FLRT2: variants seen among roughly 807,000 people sequenced by gnomAD.
The protein encoded by FLRT2 is fibronectin leucine rich transmembrane protein 2.
Under a neutral mutation model 40.0 loss-of-function variants are expected in FLRT2, and 15 were observed. The ratio of observed to expected loss-of-function variants is 0.38; its 90% CI spans 0.25 to 0.58. The LOEUF (loss-of-function observed/expected upper bound fraction) is 0.58, where lower values mean the gene tolerates loss of function less well. Ranked by LOEUF, FLRT2 falls within the 20% of genes least tolerant of loss-of-function variation. The probability of loss-of-function intolerance (pLI) is 0.71; values close to 1 mark genes in which losing one functional copy is unlikely to be tolerated. For missense variants in FLRT2, 726 were observed against 840.0 expected, an observed-to-expected ratio of 0.86 and a Z score of 1.68; for synonymous variants, 380 against 336.8, an observed-to-expected ratio of 1.13 and a Z score of -1.41.
intron 1 of FLRT2, among the ~76,000 whole-genome samples, chr14:85,555,713 T>TTTATA (rs1889914023): frequency 6.6e-6 from 1 of 150,616 alleles, no homozygotes; most frequent in African/African-American, 2.4e-5. Context: ...TTTATTTTAT[T>TTTATA]TTATTTTATT....
At chr14:85,599,902 A>G (rs187258141) in intron 1 of FLRT2, among the ~76,000 whole-genome samples, 30 of 152,294 alleles carry the variant, frequency 2.0e-4, no homozygotes, top group African/African-American at 7.2e-4. Flanking sequence ...GCATACAGCC[A>G]TGGAAATGTT....
At chr14:85,612,929 A>G (rs1302131712) in intron 1 of FLRT2, among the ~76,000 whole-genome samples, 1 of 152,150 alleles carries the variant, frequency 6.6e-6, no homozygotes, top group African/African-American at 2.4e-5. Flanking sequence ...AGGAGACATA[A>G]GATTTTCTGT....
chr14:85,643,736 C>T lies in FLRT2; in HGVS notation c.*20239C>T, dbSNP rs1894223904. 1 of 152,112 alleles carries T rather than the reference C, an allele frequency of 6.6e-6. No individual in the cohort carries two copies. Among genetic ancestry groups the T allele is most frequent in the African/African-American group, 2.4e-5 (1 of 41,400 alleles). The allele number at this position is 152,112 out of a possible 1,614,324, so 9.4% of individuals were successfully genotyped here. Reference sequence around the variant, plus strand: ...GCATTTATTAATGCATTGATGAGGACTCTCCTCTTTTAGATAGAGATGAAA... The same window carrying T: ...GCATTTATTAATGCATTGATGAGGATTCTCCTCTTTTAGATAGAGATGAAA... On this transcript the variant is annotated 3_prime_UTR_variant, in exon 2 of 2. Transcript: ENST00000330753.
chr14:85,532,728 G>A (rs1380365948), intron 1 of FLRT2, among the ~76,000 whole-genome samples: 1 of 152,212 alleles, frequency 6.6e-6, no homozygotes, highest in East Asian at 1.9e-4. Context: ...GAGGGAACTA[G>A]TGATGGGGTG....
chr14:85,547,175 C>T (rs1164313904), intron 1 of FLRT2, among the ~76,000 whole-genome samples: 2 of 151,996 alleles, frequency 1.3e-5, no homozygotes, highest in African/African-American at 4.8e-5. Flanking sequence ...CTTTCAAGGT[C>T]CCTCTTTCTC....
chr14:85,571,545 G>T (rs1208827693), intron 1 of FLRT2, among the ~76,000 whole-genome samples: 3 of 152,134 alleles, frequency 2.0e-5, no homozygotes, highest in Non-Finnish European at 2.9e-5. Context: ...TTGATTCCAA[G>T]AATTAGAATT....
intron 1 of FLRT2, among the ~76,000 whole-genome samples, chr14:85,598,158 G>T (rs1226705856): frequency 6.6e-6 from 1 of 152,100 alleles, no homozygotes; most frequent in Non-Finnish European, 1.5e-5. Flanking sequence ...ACTCTATTCA[G>T]GCCATTTACT....
chr14:85,539,591 C>G (rs1423139136), intron 1 of FLRT2, among the ~76,000 whole-genome samples: 1 of 152,078 alleles, frequency 6.6e-6, no homozygotes, highest in Non-Finnish European at 1.5e-5. Flanking sequence ...ATGCTTCTTT[C>G]TATATTCAGC....
At chr14:85,616,909 A>G (rs1264214984) in intron 1 of FLRT2, among the ~76,000 whole-genome samples, 3 of 152,204 alleles carry the variant, frequency 2.0e-5, no homozygotes, top group African/African-American at 7.2e-5. Context: ...TTACATTTTC[A>G]TGCTTTTTGA....
In FLRT2 at chr14:85,640,081, C is replaced by T. The variant is rs1894116555; in HGVS notation, c.*16584C>T. Reference sequence around the variant, plus strand: ...GCCAGGATGGTCTCGATTTCCTGACCTCGTGATCCGCCCGCCTCGGCCTCC... The same window carrying T: ...GCCAGGATGGTCTCGATTTCCTGACTTCGTGATCCGCCCGCCTCGGCCTCC... On this transcript the variant is annotated 3_prime_UTR_variant, in exon 2 of 2. Transcript: ENST00000330753. 1 of 152,154 alleles carries T rather than the reference C, an allele frequency of 6.6e-6. No individual in the cohort carries two copies. The highest frequency in any genetic ancestry group is 2.4e-5 in the African/African-American group (1 of 41,408). The allele number at this position is 152,154 out of a possible 1,614,324, so 9.4% of individuals were successfully genotyped here. A position where few individuals can be genotyped will look rare whatever the true frequency, so the allele number is the denominator to read the frequency against.
rs905712042 is a variant in FLRT2 at position 85,629,388 on chromosome 14, T to C, written c.*5891T>C. ...AAACTTAGAAATTGTATTTCGTAAT[T>C]ACACATGCAGACATTTAAATTTTTA... On this transcript the variant is annotated 3_prime_UTR_variant, in exon 2 of 2. Coordinates refer to ENST00000330753, the MANE Select transcript of FLRT2 (RefSeq NM_013231.6). 2.6e-5 allele frequency: 4 copies of C among 152,202 alleles called. No homozygotes were observed. The highest frequency in any genetic ancestry group is 9.6e-5 in the African/African-American group (4 of 41,454). The allele number at this position is 152,202 out of a possible 1,614,324, so 9.4% of individuals were successfully genotyped here.
At chr14:85,543,589 C>G (rs1889104985) in intron 1 of FLRT2, among the ~76,000 whole-genome samples, 1 of 151,988 alleles carries the variant, frequency 6.6e-6, no homozygotes, top group African/African-American at 2.4e-5. Context: ...TTGGATAAAG[C>G]CCATCAAAAC....
At chr14:85,574,420 C>A (rs575456454) in intron 1 of FLRT2, among the ~76,000 whole-genome samples, 1 of 152,068 alleles carries the variant, frequency 6.6e-6, no homozygotes, top group African/African-American at 2.4e-5. Flanking sequence ...TGCCATAGAG[C>A]CAGGAAAATC....
chr14:85,563,753 C>T (rs1169827835), intron 1 of FLRT2, among the ~76,000 whole-genome samples: 1 of 152,110 alleles, frequency 6.6e-6, no homozygotes, highest in African/African-American at 2.4e-5. Flanking sequence ...GCTCAGATCT[C>T]TTACCTCCAA....
intron 1 of FLRT2, among the ~76,000 whole-genome samples, chr14:85,574,696 T>C (rs1891048450): frequency 1.3e-5 from 2 of 152,212 alleles, no homozygotes; most frequent in Admixed American, 6.5e-5. Flanking sequence ...TGGCTCCTAT[T>C]AAGCCATCAT....
In FLRT2 at chr14:85,622,342, T is replaced by G; in HGVS notation, c.828T>G (p.Arg276=). 2 of 1,614,180 alleles carry G rather than the reference T, an allele frequency of 1.2e-6. No homozygotes were observed. Among genetic ancestry groups the G allele is most frequent in the Non-Finnish European group, 8.5e-7 (1 of 1,180,036 alleles). The stretch of plus-strand genomic sequence containing the variant: ...CTTTGACAGCCTTCTCAAATCTGCG[T>G]AAGCTGGAACGGCTGGATATATCCA... ...HIPLTAFSNL[R]KLERLDISNN... Residue 276 remains arginine, a synonymous_variant, in exon 2 of 2, where the codon CGT becomes CGG. Transcript: ENST00000330753.
Position 85,631,130 on chromosome 14 carries a change from G to A in FLRT2, c.*7633G>A, listed in dbSNP as rs1392946281. 2.3e-3 allele frequency: 63 copies of A among 26,912 alleles called. No individual in the cohort carries two copies. The highest frequency in any genetic ancestry group is 7.6e-3 in the African/African-American group (26 of 3,424). 1.7% of individuals were successfully genotyped at this position (26,912 alleles called of 1,614,324 possible). Reference sequence around the variant, plus strand: ...CTAGATTTTATATATATATATATATGAAATGAGCAAACAAAATGCTTTCAG... The same window carrying A: ...CTAGATTTTATATATATATATATATAAAATGAGCAAACAAAATGCTTTCAG... On this transcript the variant is annotated 3_prime_UTR_variant, in exon 2 of 2. Coordinates refer to ENST00000330753, the MANE Select transcript of FLRT2 (RefSeq NM_013231.6).
intron 1 of FLRT2, among the ~76,000 whole-genome samples, chr14:85,558,322 A>C (rs1446232700): frequency 6.6e-6 from 1 of 152,136 alleles, no homozygotes; most frequent in Non-Finnish European, 1.5e-5. Flanking sequence ...TTATCTTTGC[A>C]TCAAAAATAA....
In FLRT2 at chr14:85,614,078, A is replaced by G. The variant is rs535006584; in HGVS notation, c.-376-7061A>G. Among the ~76,000 whole-genome samples, 3 of 152,274 alleles carry G rather than the reference A, an allele frequency of 2.0e-5. No individual in the cohort carries two copies. In the East Asian group the frequency reaches 5.8e-4, roughly 29 times the overall value. ...TTTTCCACATGTTAGGCAATGTTCT[A>G]AGTGATTTACAGCCCTCTAACAACC... On this transcript the variant is annotated intron_variant, in intron 1 of 1. Transcript: ENST00000330753.
Sources: gnomAD v4.1 joint callset for allele counts (sites outside exome capture counted in the v4.1 genomes callset) on GRCh38, gnomAD v4.1.1 for gene constraint, MANE v1.5 for transcripts, NCBI Gene and HGNC (gene_info 2026-07-23, HGNC 2026-07-21) for gene names.